The following BTD variants were observed in gnomAD, a reference collection of about 807,000 sequenced individuals.
The protein encoded by BTD is biocytinase.
Under a neutral mutation model 17.7 loss-of-function variants are expected in BTD, and 13 were observed. The observed-to-expected ratio is 0.74, with a 90% CI of 0.48 to 1.17. The LOEUF (loss-of-function observed/expected upper bound fraction) is 1.17. Ranked by LOEUF, BTD falls within the 50% of genes most tolerant of loss-of-function variation. The pLI is 0.00. For missense variants in BTD, 674 were observed against 650.4 expected, an observed-to-expected ratio of 1.04 and a Z score of -0.39; for synonymous variants, 240 against 245.2, an observed-to-expected ratio of 0.98 and a Z score of 0.20.
intron 1 of BTD, among the ~76,000 whole-genome samples, chr3:15,632,039 A>ACCCG (rs1384108551): frequency 1.5e-4 from 23 of 151,786 alleles, no homozygotes; most frequent in African/African-American, 5.3e-4. Context: ...TGTTTCTTGC[A>ACCCG]CCCGCCCGTG....
intron 3 of BTD, among the ~76,000 whole-genome samples, chr3:15,699,186 A>C (rs184489313): frequency 6.6e-6 from 1 of 152,244 alleles, no homozygotes; most frequent in Non-Finnish European, 1.5e-5. Context: ...CTGGCTAGCC[A>C]TATGTAGAAA....
chr3:15,714,551 C>CCA, downstream of BTD: 6 of 1,119,898 alleles, frequency 5.4e-6, no homozygotes, highest in Middle Eastern at 2.2e-4. Context: ...AAAAAAACCC[C>CCA]AAAAAAAAAA....
chr3:15,601,688 C>T (rs2064247502), upstream of BTD: 2 of 1,556,536 alleles, frequency 1.3e-6, no homozygotes, highest in Non-Finnish European at 1.7e-6. Flanking sequence ...CAGAACTGCG[C>T]TCTCTTCTCG....
At chr3:15,709,629 TA>T in intron 3 of BTD, 3 of 1,411,204 alleles carry the variant, frequency 2.1e-6, no homozygotes, top group Non-Finnish European at 2.9e-6. Context: ...AGTTATTAAG[TA>T]AAAATAGGCT....
chr3:15,683,815 CTT>C (rs1020637151), intron 3 of BTD: 4 of 152,150 alleles, frequency 2.6e-5, no homozygotes, highest in African/African-American at 9.7e-5. Context: ...AACTTGATAA[CTT>C]TGTCAGAACA....
rs1198937106 is a variant in BTD, at chr3:15,647,979, C to A, written c.*2491C>A. Among the ~76,000 whole-genome samples, 1 of 152,202 alleles carries A rather than the reference C, an allele frequency of 6.6e-6. No homozygotes were observed. The highest frequency in any genetic ancestry group is 1.5e-5 in the Non-Finnish European group (1 of 68,034). On this transcript the variant is annotated 3_prime_UTR_variant, in exon 4 of 4. Coordinates refer to ENST00000643237, the MANE Select transcript of BTD (RefSeq NM_001370658.1). The stretch of plus-strand genomic sequence containing the variant: ...TCTCAAGACACAGGCCTGTCCAGAG[C>A]CCCTGCTGAGGGAAACCCACCCAGG...
At position 15,670,342 on chromosome 3, in the gene BTD, G is replaced by A. The variant is rs1371370932; in HGVS notation, c.399+28285G>A. ...ATAAGTACTCCTGTTCCCCTCCAAT[G>A]TTATTGAAACTGCAATAGGAGCTAG... On this transcript the variant is annotated intron_variant, in intron 3 of 3. Coordinates refer to the BTD transcript ENST00000672141. 42 of 1,613,808 alleles carry A rather than the reference G, an allele frequency of 2.6e-5. 1 individual carries two copies. In the Admixed American group the frequency reaches 6.0e-4, roughly 23 times the overall value.
intron 3 of BTD, among the ~76,000 whole-genome samples, chr3:15,700,824 A>T (rs2070470862): frequency 6.6e-6 from 1 of 152,160 alleles, no homozygotes. Context: ...ATTTTATTAC[A>T]GCAGAAAAAA....
chr3:15,710,805 C>T (rs1214698413), exon 4 of BTD, among the ~76,000 whole-genome samples: 1 of 151,786 alleles, frequency 6.6e-6, no homozygotes, highest in East Asian at 1.9e-4. Context: ...AGAGGTAAGA[C>T]ACAGCACAAA....
intron 1 of BTD, chr3:15,630,119 T>C: frequency 1.0e-6 from 1 of 983,170 alleles, no homozygotes; most frequent in Non-Finnish European, 1.2e-6. Flanking sequence ...CGTGGGAGTG[T>C]GGTGAGTAAA....
At chr3:15,714,314 G>A (rs2072709169), downstream of BTD, among the ~76,000 whole-genome samples, 1 of 151,768 alleles carries the variant, frequency 6.6e-6, no homozygotes, top group Admixed American at 6.6e-5. Flanking sequence ...TTTCTATTTA[G>A]CAATATTGAA....
chr3:15,694,658 A>T, intron 3 of BTD: 1 of 1,195,270 alleles, frequency 8.4e-7, no homozygotes, highest in Non-Finnish European at 1.2e-6. Context: ...TTATGGTACT[A>T]GTTTGAGTCA....
intron 1 of BTD, chr3:15,602,435 G>C (rs2064294289): frequency 2.0e-6 from 1 of 507,594 alleles, no homozygotes; most frequent in Non-Finnish European, 2.6e-6. Context: ...CCTACAACCA[G>C]CCCTGCACCC....
At chr3:15,688,602 G>A (rs2068424415) in intron 3 of BTD, among the ~76,000 whole-genome samples, 1 of 152,186 alleles carries the variant, frequency 6.6e-6, no homozygotes, top group Non-Finnish European at 1.5e-5. Flanking sequence ...GGGCGGCTCT[G>A]GGAGTAACAG....
intron 3 of BTD, among the ~76,000 whole-genome samples, chr3:15,700,289 G>A (rs2070366071): frequency 6.6e-6 from 1 of 152,050 alleles, no homozygotes; most frequent in Admixed American, 6.6e-5. Flanking sequence ...ATACACCGGG[G>A]CCTGTCCGGG....
At chr3:15,612,939 T>C (rs1302788648) in intron 1 of BTD, among the ~76,000 whole-genome samples, 1 of 152,226 alleles carries the variant, frequency 6.6e-6, no homozygotes, top group African/African-American at 2.4e-5. Flanking sequence ...AGAATGAATT[T>C]CCTTGCAGTT....
At chr3:15,613,566 C>G (rs910375161) in intron 1 of BTD, among the ~76,000 whole-genome samples, 8 of 151,998 alleles carry the variant, frequency 5.3e-5, no homozygotes, top group African/African-American at 1.9e-4. Flanking sequence ...CCCCTTCTCC[C>G]CTTTTTCCCT....
upstream of BTD, chr3:15,601,668 G>C: frequency 6.4e-7 from 1 of 1,553,752 alleles, no homozygotes; most frequent in Non-Finnish European, 8.7e-7. Flanking sequence ...AAACACGCGC[G>C]TTCTCCAATC....
intron 1 of BTD, among the ~76,000 whole-genome samples, chr3:15,634,698 T>A (rs1367507494): frequency 1.3e-5 from 2 of 152,126 alleles, no homozygotes; most frequent in East Asian, 3.8e-4. Flanking sequence ...AGTTTTGGAG[T>A]CACAGAGATG....
Sources: gnomAD v4.1 joint callset for allele counts (sites outside exome capture counted in the v4.1 genomes callset) on GRCh38, gnomAD v4.1.1 for gene constraint, MANE v1.5 for transcripts, NCBI Gene and HGNC (gene_info 2026-07-23, HGNC 2026-07-21) for gene names.